TSPAN17: variants seen among roughly 807,000 people sequenced by gnomAD.
The protein encoded by TSPAN17 is tetraspanin 17.
In TSPAN17, 33 loss-of-function variants were observed where a neutral mutation model predicts 40.5. The ratio of observed to expected loss-of-function variants is 0.81; its 90% CI spans 0.62 to 1.09. The LOEUF is 1.09. Among genes scored for constraint, TSPAN17 ranks in the 50% least tolerant of loss-of-function variants. The pLI is 0.00. For missense variants in TSPAN17, 365 were observed against 416.8 expected (o/e 0.88, Z 1.08); for synonymous variants, 166 against 169.4 (o/e 0.98, Z 0.15).
chr5:176,648,046 G>T (rs1285593972), intron 1 of TSPAN17, among the ~76,000 whole-genome samples: 1 of 152,210 alleles, frequency 6.6e-6, no homozygotes, highest in Non-Finnish European at 1.5e-5. Flanking sequence ...TTCCTACCCT[G>T]GGATGTGGGA....
rs965643055 is a variant in TSPAN17, at chr5:176,655,617, C to T, written c.583-461C>T. On this transcript the variant is annotated intron_variant, in intron 5 of 8. Coordinates refer to ENST00000508164, the MANE Select transcript of TSPAN17 (RefSeq NM_130465.5). ...AGGTCCAGGTTGGCGATTGCAGCCACGCATTCCAGCGTCTGGGAAAGAGGC... is the reference window on the plus strand; with the variant it reads ...AGGTCCAGGTTGGCGATTGCAGCCATGCATTCCAGCGTCTGGGAAAGAGGC... Among the ~76,000 whole-genome samples, 5 of 151,876 alleles carry T rather than the reference C, an allele frequency of 3.3e-5. No homozygotes were observed. The South Asian group carries it at 6.2e-4, about 19-fold the overall frequency.
chr5:176,652,683 C>G, intron 3 of TSPAN17, 60 bp from the exon 4 acceptor site: 2 of 1,560,142 alleles, frequency 1.3e-6, no homozygotes, highest in Non-Finnish European at 1.8e-6. Context: ...ACACCCAAGC[C>G]CTGGGAGGTC....
At chr5:176,647,846 T>G in intron 1 of TSPAN17, 144 bp downstream of exon 1, 1 of 732,492 alleles carries the variant, frequency 1.4e-6, no homozygotes, top group Non-Finnish European at 2.1e-6. Context: ...CACGCCCACT[T>G]CCAGGACCAC....
At chr5:176,656,640 G>A in intron 6 of TSPAN17, 60 bp from the exon 7 acceptor site, 2 of 1,561,542 alleles carry the variant, frequency 1.3e-6, no homozygotes, top group Non-Finnish European at 1.8e-6. Flanking sequence ...TGGCAGGCTG[G>A]GAGGGTGGGA....
Position 176,656,891 on chromosome 5 carries a change from A to T in TSPAN17, c.748-4A>T. Reference sequence around the variant, plus strand: ...TCTCCCCTCACCTGTCCTCTGTCTTACAGATCTTTGGCATCTGCCTGGCCC... The same window carrying T: ...TCTCCCCTCACCTGTCCTCTGTCTTTCAGATCTTTGGCATCTGCCTGGCCC... On this transcript the variant is annotated splice_polypyrimidine_tract_variant and splice_region_variant and intron_variant, in intron 7 of 8. Transcript: ENST00000508164. 1.2e-6 allele frequency: 2 copies of T among 1,614,106 alleles called. No homozygotes were observed. Among genetic ancestry groups the T allele is most frequent in the Non-Finnish European group, 1.7e-6 (2 of 1,180,016 alleles).
At chr5:176,648,263 G>A (rs958033053) in intron 1 of TSPAN17, among the ~76,000 whole-genome samples, 1 of 152,236 alleles carries the variant, frequency 6.6e-6, no homozygotes, top group Non-Finnish European at 1.5e-5. Flanking sequence ...GGGGCAGGGA[G>A]GGACAATGGC....
rs568729918 is a variant in TSPAN17, at chr5:176,659,021, G to C, written c.*1323G>C. The stretch of plus-strand genomic sequence containing the variant: ...GACAGGCGCTGGCTGTGAGTGGTTT[G>C]TACATGCTACAATAAATGCAGCTGG... On this transcript the variant is annotated 3_prime_UTR_variant, in exon 9 of 9. Transcript: ENST00000508164. The C allele has an allele frequency of 3.9e-5, 6 of 152,288 alleles. No individual in the cohort carries two copies. The highest frequency in any genetic ancestry group is 1.4e-4 in the African/African-American group (6 of 41,474). 9.4% of individuals were successfully genotyped at this position (152,288 alleles called of 1,614,324 possible). A position where few individuals can be genotyped will look rare whatever the true frequency, so the allele number is the denominator to read the frequency against.
chr5:176,656,210 C>A, intron 6 of TSPAN17, 85 bp downstream of exon 6: 1 of 1,430,462 alleles, frequency 7.0e-7, no homozygotes, highest in Non-Finnish European at 9.7e-7. Context: ...CTCTGGAAGG[C>A]CTCAGGGATT....
intron 8 of TSPAN17, 24 bp downstream of exon 8, chr5:176,656,980 C>A: frequency 6.2e-7 from 1 of 1,609,568 alleles, no homozygotes; most frequent in South Asian, 1.1e-5. Context: ...AGGCCATGGC[C>A]ACATGCCTGG....
At position 176,658,305 on chromosome 5, in the gene TSPAN17, A is replaced by C. The variant is rs1458260184; in HGVS notation, c.*607A>C. On this transcript the variant is annotated 3_prime_UTR_variant, in exon 9 of 9. Transcript: ENST00000508164. The stretch of plus-strand genomic sequence containing the variant: ...CGCTCTGGGGTTCGGAGAGTTTGGG[A>C]ATTTCTCAGAGCCAACTGGCTCAGG... The C allele has an allele frequency of 1.3e-5, 2 of 152,226 alleles. No homozygotes were observed. The allele number at this position is 152,226 out of a possible 1,614,324, so 9.4% of individuals were successfully genotyped here.
At chr5:176,655,794 G>A (rs1338285897) in intron 5 of TSPAN17, among the ~76,000 whole-genome samples, 1 of 151,310 alleles carries the variant, frequency 6.6e-6, no homozygotes, top group African/African-American at 2.4e-5. Context: ...CTAGCTACTT[G>A]CGAGGCTGAG....
Position 176,652,002 on chromosome 5 carries a change from A to G in TSPAN17, c.285+102A>G, listed in dbSNP as rs968610231. The G allele has an allele frequency of 4.1e-6, 6 of 1,463,840 alleles. No homozygotes were observed. In the East Asian group the frequency reaches 1.1e-4, roughly 28 times the overall value. 90.7% of individuals were successfully genotyped at this position (1,463,840 alleles called of 1,614,324 possible). ...TGATGGGTAGCTTTATTATTATGCT[A>G]TAATCGTCATCGTTAGATTCATGTT... On this transcript the variant is annotated intron_variant, in intron 3 of 8. Transcript: ENST00000508164.
Position 176,647,823 on chromosome 5 carries a change from C to T in TSPAN17, c.87+121C>T, listed in dbSNP as rs1760802250. ...TTTGGAGCTCGGGACCATCCCCCCA[C>T]TTCTGCCACACCCACGCCCACTTCC... is the stretch of plus-strand genomic sequence containing the variant. On this transcript the variant is annotated intron_variant, in intron 1 of 8. Coordinates refer to ENST00000508164, the MANE Select transcript of TSPAN17 (RefSeq NM_130465.5). 4.2e-6 allele frequency: 4 copies of T among 944,316 alleles called. No individual in the cohort carries two copies. In the Admixed American group the frequency reaches 1.1e-4, roughly 25 times the overall value. The allele number at this position is 944,316 out of a possible 1,614,324, so 58.5% of individuals were successfully genotyped here.
chr5:176,648,411 G>A (rs931011961), intron 1 of TSPAN17, among the ~76,000 whole-genome samples: 3 of 152,222 alleles, frequency 2.0e-5, no homozygotes, highest in Admixed American at 2.0e-4. Flanking sequence ...GGAGCTACTA[G>A]TGCCCCTCCC....
chr5:176,655,013 A>T lies in TSPAN17; in HGVS notation c.575A>T (p.Asp192Val), dbSNP rs769720635. The T allele has an allele frequency of 2.5e-6, 4 of 1,604,630 alleles. No individual in the cohort carries two copies. The African/African-American group carries it at 4.0e-5, about 16-fold the overall frequency. Reference protein sequence around the residue: ...CGVPFSCCVRDPAEDVLNTQC... With the variant: ...CGVPFSCCVRVPAEDVLNTQC... ...GTGCCCTTCTCCTGCTGCGTCAGGG[A>T]CCCTGCGGTGAGTGGGGCTGGGGGA... The change falls in exon 5 of 9, where the codon GAC becomes GTC. Residue 192 changes from aspartate (D) to valine (V), a missense_variant. Transcript: ENST00000508164.
intron 8 of TSPAN17, 53 bp downstream of exon 8, chr5:176,657,009 G>A: frequency 1.3e-6 from 2 of 1,575,172 alleles, no homozygotes; most frequent in Non-Finnish European, 1.7e-6. Context: ...GGCCTCTGGG[G>A]GGCCCCCCAG....
chr5:176,656,096 C>A lies in TSPAN17; in HGVS notation c.601C>A (p.Gln201Lys), dbSNP rs761000901. The change falls in exon 6 of 9, where the codon CAG (glutamine) becomes AAG (lysine). Residue 201 changes from glutamine to lysine, a missense_variant. Transcript: ENST00000508164. ...RDPAEDVLNTQCGYDVRLKLE... is the reference protein window; with the variant it reads ...RDPAEDVLNTKCGYDVRLKLE... Reference sequence around the variant, plus strand: ...CCCTCAGGAGGATGTCCTCAACACCCAGTGTGGCTACGACGTCCGGCTCAA... The same window carrying A: ...CCCTCAGGAGGATGTCCTCAACACCAAGTGTGGCTACGACGTCCGGCTCAA... The A allele has an allele frequency of 8.7e-6, 14 of 1,614,140 alleles. No homozygotes were observed. The Admixed American group carries it at 2.2e-4, about 25-fold the overall frequency.
Position 176,654,530 on chromosome 5 carries a change from G to T in TSPAN17, c.457-365G>T. On this transcript the variant is annotated intron_variant, in intron 4 of 8. Transcript: ENST00000508164. The surrounding 1 kb of genome is among the most constrained non-coding windows in gnomAD (Gnocchi z 4.3). ...AGAACCTCTGGGGCAAGTGTGGGAG[G>T]CCTGCTGCAGACATGGGGCCCAGCG... 4.4e-6 allele frequency: 1 copy of T among 225,712 alleles called. No individual in the cohort carries two copies. Among genetic ancestry groups the T allele is most frequent in the Admixed American group, 5.4e-5 (1 of 18,552 alleles). The allele number at this position is 225,712 out of a possible 1,614,324, so 14.0% of individuals were successfully genotyped here.
chr5:176,651,968 G>A lies in TSPAN17; in HGVS notation c.285+68G>A, dbSNP rs1760987279. 6.3e-7 allele frequency: 1 copy of A among 1,583,740 alleles called. No individual in the cohort carries two copies. The highest frequency in any genetic ancestry group is 1.7e-5 in the Admixed American group (1 of 57,904). On this transcript the variant is annotated intron_variant, in intron 3 of 8. Coordinates refer to ENST00000508164, the MANE Select transcript of TSPAN17 (RefSeq NM_130465.5). This position sits in a 1 kb window ranked among gnomAD's most constrained non-coding sequence, Gnocchi z 4.5. The stretch of plus-strand genomic sequence containing the variant: ...CCCATCCAGTTCTTGCAATACAGTT[G>A]GAGCTTAATGATGGGTAGCTTTATT...
Sources: allele counts gnomAD v4.1 joint callset (sites outside exome capture counted in the v4.1 genomes callset), GRCh38; gene constraint gnomAD v4.1.1; non-coding constraint Gnocchi (gnomAD v3.1); transcripts MANE v1.5; gene names NCBI Gene and HGNC (gene_info 2026-07-23, HGNC 2026-07-21).